WWOX: variants seen among roughly 807,000 people sequenced by gnomAD.
The protein encoded by WWOX is WW domain containing oxidoreductase.
WWOX carries 69 observed loss-of-function variants against 46.2 expected under a neutral mutation model. That is an observed-to-expected ratio of 1.49 (90% CI 1.23 to 1.82). The LOEUF is 1.82. Among genes scored for constraint, WWOX ranks in the 40% most tolerant of loss-of-function variants. The pLI, the probability that WWOX is intolerant of heterozygous loss-of-function variation, is 0.00. For synonymous variants in WWOX, 359 were observed against 202.6 expected, an observed-to-expected ratio of 1.77 and a Z score of -6.56; for missense variants, 919 against 542.6, an observed-to-expected ratio of 1.69 and a Z score of -6.89.
intron 8 of WWOX, among the ~76,000 whole-genome samples, chr16:78,851,671 T>G (rs1319749426): frequency 2.0e-5 from 3 of 152,206 alleles, no homozygotes; most frequent in Middle Eastern, 3.2e-3. Flanking sequence ...GCTGAGGCAA[T>G]ACGTTTCAAA....
chr16:78,930,249 T>C, intron 8 of WWOX, among the ~76,000 whole-genome samples: 1 of 126,304 alleles, frequency 7.9e-6, no homozygotes, highest in Admixed American at 7.4e-5. Flanking sequence ...CTTCCTTCCT[T>C]CCTTCCTTCC....
At chr16:79,079,578 G>A (rs1458658796) in intron 8 of WWOX, among the ~76,000 whole-genome samples, 4 of 152,118 alleles carry the variant, frequency 2.6e-5, no homozygotes. Flanking sequence ...ATTTTTGCCT[G>A]TAACCTTCTG....
intron 8 of WWOX, among the ~76,000 whole-genome samples, chr16:79,028,171 G>A (rs560559647): frequency 1.2e-4 from 18 of 151,760 alleles, no homozygotes; most frequent in Middle Eastern, 3.4e-3. Flanking sequence ...GGATGGTCTC[G>A]ATCTCCTGAC....
At chr16:79,108,406 C>A (rs1465704573) in intron 8 of WWOX, among the ~76,000 whole-genome samples, 1 of 152,156 alleles carries the variant, frequency 6.6e-6, no homozygotes, top group Non-Finnish European at 1.5e-5. Context: ...CCTGACCACC[C>A]CTCCAGGGGA....
intron 8 of WWOX, among the ~76,000 whole-genome samples, chr16:79,142,509 T>C (rs1245418156): frequency 7.9e-5 from 12 of 152,208 alleles, no homozygotes; most frequent in Admixed American, 7.9e-4. Context: ...AAACATTTTC[T>C]AGAACATACC....
intron 8 of WWOX, among the ~76,000 whole-genome samples, chr16:78,913,438 C>T (rs2045163577): frequency 6.6e-6 from 1 of 151,858 alleles, no homozygotes; most frequent in South Asian, 2.1e-4. Flanking sequence ...CTTGCAAAAC[C>T]CTCACGGCTC....
intron 1 of WWOX, among the ~76,000 whole-genome samples, chr16:78,100,892 C>T (rs2031731763): frequency 6.6e-6 from 1 of 152,174 alleles, no homozygotes; most frequent in African/African-American, 2.4e-5. Flanking sequence ...CCTACTGTAG[C>T]CGACTCTCAA....
chr16:78,753,298 G>A (rs1332205841), intron 8 of WWOX, among the ~76,000 whole-genome samples: 1 of 151,592 alleles, frequency 6.6e-6, no homozygotes, highest in Non-Finnish European at 1.5e-5. Context: ...CAGCCTGAGC[G>A]ACAGAGTGAG....
At chr16:78,803,976 C>G (rs1030208967) in intron 8 of WWOX, among the ~76,000 whole-genome samples, 16 of 152,090 alleles carry the variant, frequency 1.1e-4, no homozygotes, top group Admixed American at 1.0e-3. Flanking sequence ...AGGCGCCCCT[C>G]CTTCTTAGCT....
intron 8 of WWOX, among the ~76,000 whole-genome samples, chr16:78,948,733 T>C (rs2045998171): frequency 6.6e-6 from 1 of 152,140 alleles, no homozygotes; most frequent in Non-Finnish European, 1.5e-5. Context: ...CGACATCTCC[T>C]CTGTTGGCAT....
At chr16:78,344,068 A>G (rs1325987322) in intron 5 of WWOX, among the ~76,000 whole-genome samples, 1 of 118,720 alleles carries the variant, frequency 8.4e-6, no homozygotes, top group Non-Finnish European at 2.0e-5. Context: ...ATGTTCCAGA[A>G]TGCCATTATT....
chr16:78,798,607 T>C (rs62996162), intron 8 of WWOX, among the ~76,000 whole-genome samples: 7 of 150,742 alleles, frequency 4.6e-5, no homozygotes, highest in African/African-American at 1.5e-4. Context: ...TTTTTTTTTT[T>C]AAGAGATTTA....
chr16:78,873,501 G>C (rs2044171050), intron 8 of WWOX: 1 of 152,130 alleles, frequency 6.6e-6, no homozygotes. Flanking sequence ...TAAATACTTG[G>C]AGGGCCAGGC....
intron 8 of WWOX, among the ~76,000 whole-genome samples, chr16:78,678,494 G>A (rs138278606): frequency 2.6e-5 from 4 of 152,184 alleles, no homozygotes; most frequent in African/African-American, 7.2e-5. Context: ...TCAGGGCCAC[G>A]TGCTGGTTGC....
intron 7 of WWOX, among the ~76,000 whole-genome samples, chr16:78,426,635 C>T (rs987417555): frequency 6.6e-6 from 1 of 152,042 alleles, no homozygotes; most frequent in Non-Finnish European, 1.5e-5. Flanking sequence ...TTATGCTTTC[C>T]AATTATTCTT....
chr16:78,290,642 G>A (rs2079845230), intron 5 of WWOX, among the ~76,000 whole-genome samples: 1 of 151,354 alleles, frequency 6.6e-6, no homozygotes, highest in African/African-American at 2.4e-5. Flanking sequence ...TTGCCGTGTC[G>A]GACTTTAGTC....
At chr16:78,451,243 C>G (rs928547995) in intron 8 of WWOX, among the ~76,000 whole-genome samples, 5 of 152,150 alleles carry the variant, frequency 3.3e-5, no homozygotes, top group Admixed American at 2.0e-4. Context: ...TCATGTTAGT[C>G]TGTAATGTGA....
chr16:78,569,217 G>C (rs1424741438), intron 8 of WWOX, among the ~76,000 whole-genome samples: 1 of 152,166 alleles, frequency 6.6e-6, no homozygotes, highest in Admixed American at 6.5e-5. Flanking sequence ...CCACTGAGAA[G>C]AATCAAAAAT....
intron 8 of WWOX, among the ~76,000 whole-genome samples, chr16:79,092,456 C>G (rs1597368243): frequency 6.6e-6 from 1 of 152,156 alleles, no homozygotes; most frequent in Non-Finnish European, 1.5e-5. Context: ...TGCACCCTTG[C>G]TCATCACCAT....
Sources: allele counts gnomAD v4.1 joint callset (sites outside exome capture counted in the v4.1 genomes callset), GRCh38; gene constraint gnomAD v4.1.1; transcripts MANE v1.5; gene names NCBI Gene and HGNC (gene_info 2026-07-23, HGNC 2026-07-21).